AP1M1: variants seen among roughly 807,000 people sequenced by gnomAD.
AP1M1 encodes the protein AP-1 complex subunit mu-1.
AP1M1 carries 18 observed loss-of-function variants against 57.1 expected under a neutral mutation model. The observed-to-expected ratio is 0.32, with a 90% CI of 0.22 to 0.47. The LOEUF (loss-of-function observed/expected upper bound fraction) is 0.47, where lower values mean the gene tolerates loss of function less well. Ranked by LOEUF, AP1M1 falls within the 20% of genes least tolerant of loss-of-function variation. The pLI, the probability that AP1M1 is intolerant of heterozygous loss-of-function variation, is 1.00. For missense variants in AP1M1, 362 were observed against 593.5 expected, an observed-to-expected ratio of 0.61 and a Z score of 4.05; for synonymous variants, 241 against 237.9, an observed-to-expected ratio of 1.01 and a Z score of -0.12.
At chr19:16,220,312 A>G (rs921483096) in intron 5 of AP1M1, among the ~76,000 whole-genome samples, 2 of 152,106 alleles carry the variant, frequency 1.3e-5, no homozygotes, top group African/African-American at 2.4e-5. Flanking sequence ...ATCTTGCTCA[A>G]GTGATCATCC....
chr19:16,225,383 A>G (rs2124903), intron 5 of AP1M1, among the ~76,000 whole-genome samples: 100,121 of 152,078 alleles, frequency 0.66, 35,211 homozygotes, highest in Non-Finnish European at 0.8. Context: ...CGTGCAGCAT[A>G]GCAGTGTGCA....
chr19:16,228,061 G>A lies in AP1M1; in HGVS notation c.817-76G>A. 1.4e-6 allele frequency: 2 copies of A among 1,459,938 alleles called. No individual in the cohort carries two copies. Among genetic ancestry groups the A allele is most frequent in the Non-Finnish European group, 1.9e-6 (2 of 1,050,716 alleles). 90.4% of individuals were successfully genotyped at this position (1,459,938 alleles called of 1,614,324 possible). A position where few individuals can be genotyped will look rare whatever the true frequency, so the allele number is the denominator to read the frequency against. ...CTGGGCAGATGGTCCCTTGCCCTGG[G>A]CCTTGGTTTCCCCTCTGAAATGGGC... On this transcript the variant is annotated intron_variant, in intron 7 of 11. Transcript: ENST00000291439. This position sits in a 1 kb window ranked among gnomAD's most constrained non-coding sequence, Gnocchi z 5.0.
chr19:16,236,185 G>C lies in AP1M1; in HGVS notation c.*1750G>C, dbSNP rs910733203. The stretch of plus-strand genomic sequence containing the variant: ...TCCTCGCTGCCACCCCCGGGGCCTA[G>C]CTCCAGTGTGGGCTGTCACTGTCCC... On this transcript the variant is annotated 3_prime_UTR_variant, in exon 12 of 12. Coordinates refer to ENST00000291439, the MANE Select transcript of AP1M1 (RefSeq NM_032493.4). The C allele has an allele frequency of 6.6e-6, 1 of 152,648 alleles. No homozygotes were observed. The highest frequency in any genetic ancestry group is 2.4e-5 in the African/African-American group (1 of 41,474). The allele number at this position is 152,648 out of a possible 1,614,324, so 9.5% of individuals were successfully genotyped here.
In AP1M1 at chr19:16,203,395, C is replaced by T. The variant is rs2091456831; in HGVS notation, c.43-64C>T. The stretch of plus-strand genomic sequence containing the variant: ...GCAGGGTGGTGCATCTCACCCCCTG[C>T]CCCAAGCCCCCAGATTGTAGAACTG... On this transcript the variant is annotated intron_variant, in intron 1 of 11. Coordinates refer to ENST00000291439, the MANE Select transcript of AP1M1 (RefSeq NM_032493.4). This position sits in a 1 kb window ranked among gnomAD's most constrained non-coding sequence, Gnocchi z 4.6. 1 of 1,579,806 alleles carries T rather than the reference C, an allele frequency of 6.3e-7. No homozygotes were observed.
rs1201006432 is a variant in AP1M1, at chr19:16,227,264, A to G, written c.674-284A>G. On this transcript the variant is annotated intron_variant, in intron 6 of 11. Transcript: ENST00000291439. This position sits in a 1 kb window ranked among gnomAD's most constrained non-coding sequence, Gnocchi z 6.2. Reference sequence around the variant, plus strand: ...AGCCAAGTCCACTGATCAATCATTCAGTGAACGTGTCCTGAGCAGGTCCCC... The same window carrying G: ...AGCCAAGTCCACTGATCAATCATTCGGTGAACGTGTCCTGAGCAGGTCCCC... Among the ~76,000 whole-genome samples, 1 of 152,148 alleles carries G rather than the reference A, an allele frequency of 6.6e-6. No individual in the cohort carries two copies. Among genetic ancestry groups the G allele is most frequent in the Non-Finnish European group, 1.5e-5 (1 of 67,996 alleles).
At position 16,206,817 on chromosome 19, in the gene AP1M1, G is replaced by A. The variant is rs2091471382; in HGVS notation, c.267+409G>A. Among the ~76,000 whole-genome samples the A allele has an allele frequency of 6.6e-6, 1 of 152,192 alleles. No individual in the cohort carries two copies. Among genetic ancestry groups the A allele is most frequent in the Admixed American group, 6.5e-5 (1 of 15,284 alleles). On this transcript the variant is annotated intron_variant, in intron 3 of 11. Coordinates refer to ENST00000291439, the MANE Select transcript of AP1M1 (RefSeq NM_032493.4). The surrounding 1 kb of genome is among the most constrained non-coding windows in gnomAD (Gnocchi z 4.3). The stretch of plus-strand genomic sequence containing the variant: ...GGCACAGATGCCTGACGCCCACCTT[G>A]GAGAGAGCTGACACGCCAGGCCCAG...
In AP1M1 at chr19:16,243,688, T is replaced by G. The variant is rs1235185035; in HGVS notation, c.*9253T>G. 1 of 152,078 alleles carries G rather than the reference T, an allele frequency of 6.6e-6. No homozygotes were observed. Among genetic ancestry groups the G allele is most frequent in the African/African-American group, 2.4e-5 (1 of 41,394 alleles). The allele number at this position is 152,078 out of a possible 1,614,324, so 9.4% of individuals were successfully genotyped here. A position where few individuals can be genotyped will look rare whatever the true frequency, so the allele number is the denominator to read the frequency against. Reference sequence around the variant, plus strand: ...CAGGTGCAGTGGCTCATGTCTATAATCCCAGCACTTTAGGAGGCTGAAGCA... The same window carrying G: ...CAGGTGCAGTGGCTCATGTCTATAAGCCCAGCACTTTAGGAGGCTGAAGCA... On this transcript the variant is annotated 3_prime_UTR_variant, in exon 12 of 12. Coordinates refer to ENST00000291439, the MANE Select transcript of AP1M1 (RefSeq NM_032493.4).
At chr19:16,214,454 C>A (rs1379806892) in intron 5 of AP1M1, among the ~76,000 whole-genome samples, 3 of 146,314 alleles carry the variant, frequency 2.1e-5, no homozygotes, top group Non-Finnish European at 4.5e-5. Flanking sequence ...CTGGCTCAAG[C>A]AATTCTCCTG....
At position 16,206,374 on chromosome 19, in the gene AP1M1, C is replaced by T. The variant is rs988117238; in HGVS notation, c.233C>T (p.Ser78Leu). The change falls in exon 3 of 12, where the codon TCG (serine) becomes TTG (leucine). Residue 78 changes from serine (S) to leucine (L), a missense_variant. Transcript: ENST00000291439. This position sits in a 1 kb window ranked among gnomAD's most constrained non-coding sequence, Gnocchi z 4.3. ...ACATCCAAGAAGAACGCGTGCGTGT[C>T]GCTGGTCTTTTCTTTCCTCTATAAG... Reference protein sequence around the residue: ...VATSKKNACVSLVFSFLYKVV... With the variant: ...VATSKKNACVLLVFSFLYKVV... 2.2e-5 allele frequency: 35 copies of T among 1,613,914 alleles called. No homozygotes were observed. The highest frequency in any genetic ancestry group is 2.5e-5 in the Non-Finnish European group (29 of 1,180,012).
rs763199908 is a variant in AP1M1 at position 16,206,357 on chromosome 19, G to A, written c.216G>A (p.Lys72=). ...GCCATGCAGTGGTTGCCACATCCAA[G>A]AAGAACGCGTGCGTGTCGCTGGTCT... The part of the protein sequence containing the change: ...HNNLYLVATS[K]KNACVSLVFS... The change falls in exon 3 of 12, where the codon AAG becomes AAA. Residue 72 remains lysine (K), a synonymous_variant. Transcript: ENST00000291439. The surrounding 1 kb of genome is among the most constrained non-coding windows in gnomAD (Gnocchi z 4.3). 13 of 1,614,064 alleles carry A rather than the reference G, an allele frequency of 8.1e-6. No individual in the cohort carries two copies. The East Asian group carries it at 2.9e-4, about 36-fold the overall frequency.
At chr19:16,217,539 C>T (rs775887285) in intron 5 of AP1M1, among the ~76,000 whole-genome samples, 12 of 152,006 alleles carry the variant, frequency 7.9e-5, no homozygotes, top group Non-Finnish European at 1.8e-4. Flanking sequence ...GAGTATTCCC[C>T]GTTCAGGTAC....
Position 16,228,291 on chromosome 19 carries a change from G to A in AP1M1, c.888+83G>A, listed in dbSNP as rs928569235. ...AGCCTAACCGAGGGCTGGGGGTGCCGTAGGGCTGCCATCCGTGCACCCTCA... is the reference window on the plus strand; with the variant it reads ...AGCCTAACCGAGGGCTGGGGGTGCCATAGGGCTGCCATCCGTGCACCCTCA... On this transcript the variant is annotated intron_variant, in intron 8 of 11. Transcript: ENST00000291439. This position sits in a 1 kb window ranked among gnomAD's most constrained non-coding sequence, Gnocchi z 5.0. 24 of 1,407,484 alleles carry A rather than the reference G, an allele frequency of 1.7e-5. No individual in the cohort carries two copies. Among genetic ancestry groups the A allele is most frequent in the Middle Eastern group, 1.8e-4 (1 of 5,712 alleles). The allele number at this position is 1,407,484 out of a possible 1,614,324, so 87.2% of individuals were successfully genotyped here.
At chr19:16,221,123 TTTTTG>T (rs891486767) in intron 5 of AP1M1, among the ~76,000 whole-genome samples, 2 of 152,228 alleles carry the variant, frequency 1.3e-5, no homozygotes, top group Non-Finnish European at 2.9e-5. Context: ...GTTTTTTGTT[TTTTTG>T]TTTTGTTTTG....
At chr19:16,204,891 C>T (rs1384549889) in intron 2 of AP1M1, among the ~76,000 whole-genome samples, 11 of 150,234 alleles carry the variant, frequency 7.3e-5, no homozygotes, top group Non-Finnish European at 1.5e-4. Context: ...AGTGCAGTGG[C>T]GCCATCTGGG....
intron 5 of AP1M1, among the ~76,000 whole-genome samples, chr19:16,224,743 G>C (rs573544063): frequency 1.3e-5 from 2 of 152,184 alleles, no homozygotes; most frequent in Admixed American, 6.5e-5. Context: ...ACTCCCTGAG[G>C]GGGAGGCAGC....
At position 16,197,978 on chromosome 19, in the gene AP1M1, C is replaced by CTGCCGCCGCCACCGCCCTCGGCCGA; in HGVS notation, c.-25_-24insATGCCGCCGCCACCGCCCTCGGCCG. ...CAACGCCCAGCAGTCCCCACCGTCG[C>CTGCCGCCGCCACCGCCCTCGGCCGA]TGCCGCCGCCACCGCCCTCGGCCGC... On this transcript the variant is annotated 5_prime_UTR_variant, in exon 1 of 12. The change creates a new upstream start codon in the 5' untranslated region. Coordinates refer to ENST00000291439, the MANE Select transcript of AP1M1 (RefSeq NM_032493.4). 1.3e-6 allele frequency: 2 copies of CTGCCGCCGCCACCGCCCTCGGCCGA among 1,525,864 alleles called. No homozygotes were observed. Among genetic ancestry groups the CTGCCGCCGCCACCGCCCTCGGCCGA allele is most frequent in the Admixed American group, 4.2e-5 (2 of 47,642 alleles). 94.5% of individuals were successfully genotyped at this position (1,525,864 alleles called of 1,614,324 possible). A position where few individuals can be genotyped will look rare whatever the true frequency, so the allele number is the denominator to read the frequency against.
rs1046153460 is a variant in AP1M1 at position 16,240,808 on chromosome 19, A to T, written c.*6373A>T. ...GTTGAGTCCAAAGCATGATACACAA[A>T]CCTAAATTCGTAACTAAAATAATCA... On this transcript the variant is annotated 3_prime_UTR_variant, in exon 12 of 12. Transcript: ENST00000291439. 13 of 152,246 alleles carry T rather than the reference A, an allele frequency of 8.5e-5. No homozygotes were observed. Among genetic ancestry groups the T allele is most frequent in the African/African-American group, 2.9e-4 (12 of 41,546 alleles). The allele number at this position is 152,246 out of a possible 1,614,324, so 9.4% of individuals were successfully genotyped here. A position where few individuals can be genotyped will look rare whatever the true frequency, so the allele number is the denominator to read the frequency against.
intron 10 of AP1M1, chr19:16,233,954 C>G (rs957187156): frequency 2.0e-5 from 11 of 558,966 alleles, no homozygotes; most frequent in African/African-American, 1.7e-4. Flanking sequence ...GCCGGGCCCC[C>G]CAAGCAGGCT....
chr19:16,216,984 GCCTCT>G lies in AP1M1; in HGVS notation c.546+7808_546+7812del, dbSNP rs574447567. Among the ~76,000 whole-genome samples the G allele has an allele frequency of 3.0e-4, 46 of 152,306 alleles. 1 individual carries two copies. The East Asian group carries it at 7.3e-3, about 24-fold the overall frequency. On this transcript the variant is annotated intron_variant, in intron 5 of 11. Transcript: ENST00000291439. Reference sequence around the variant, plus strand: ...AGTGCTAGTGGATGTCAGGGAGCCAGCCTCTGGGAGGGCATTTGTAGCAGCAGCAG... The same window carrying G: ...AGTGCTAGTGGATGTCAGGGAGCCAGGGGAGGGCATTTGTAGCAGCAGCAG...
Sources: gnomAD v4.1 joint callset for allele counts (sites outside exome capture counted in the v4.1 genomes callset) on GRCh38, gnomAD v4.1.1 for gene constraint, Gnocchi (gnomAD v3.1) non-coding constraint, MANE v1.5 for transcripts, NCBI Gene and HGNC (gene_info 2026-07-23, HGNC 2026-07-21) for gene names.